CSMD1: variants seen among roughly 807,000 people sequenced by gnomAD.
CSMD1 encodes the protein CUB and sushi domain-containing protein 1.
In CSMD1, 213 loss-of-function variants were observed where a neutral mutation model predicts 417.5. The observed-to-expected ratio is 0.51, with a 90% CI of 0.46 to 0.57. The LOEUF (loss-of-function observed/expected upper bound fraction) is 0.57. CSMD1 is among the 20% of genes least tolerant of loss of function. The probability of loss-of-function intolerance (pLI) is 0.00; values close to 1 mark genes in which losing one functional copy is unlikely to be tolerated. For synonymous variants in CSMD1, 2,862 were observed against 1,736.8 expected (o/e 1.65, Z -16.11); for missense variants, 6,923 against 4,529.7 (o/e 1.53, Z -15.17).
In CSMD1 at chr8:4,751,766, G is replaced by C. The variant is rs552210517; in HGVS notation, c.86-114208C>G. Among the ~76,000 whole-genome samples the C allele has an allele frequency of 2.6e-5, 4 of 152,264 alleles. No homozygotes were observed. The South Asian group carries it at 6.2e-4, about 24-fold the overall frequency. On this transcript the variant is annotated intron_variant, in intron 1 of 69. Transcript: ENST00000635120. ...TTAGGAGCTTGGTGTCTGACATTGA[G>C]GACCTCTGCGTTTGCATTCTAGCTC...
chr8:4,962,319 T>G (rs932197503), intron 1 of CSMD1, among the ~76,000 whole-genome samples: 3 of 152,036 alleles, frequency 2.0e-5, no homozygotes, highest in African/African-American at 7.2e-5. Context: ...CAAAAGAGCT[T>G]CCCATCTTTG....
chr8:4,615,027 T>G (rs879307496), intron 2 of CSMD1, among the ~76,000 whole-genome samples: 15 of 152,284 alleles, frequency 9.9e-5, no homozygotes, highest in Non-Finnish European at 2.2e-4. Flanking sequence ...GCTAATGACT[T>G]CACAGTTATT....
intron 5 of CSMD1, among the ~76,000 whole-genome samples, chr8:3,994,041 C>T (rs1442842951): frequency 6.6e-6 from 1 of 152,166 alleles, no homozygotes; most frequent in Non-Finnish European, 1.5e-5. Flanking sequence ...GGGGCCAAAT[C>T]GGTAGCTGTG....
intron 3 of CSMD1, among the ~76,000 whole-genome samples, chr8:4,040,719 G>A (rs1456856866): frequency 6.6e-6 from 1 of 152,156 alleles, no homozygotes; most frequent in Admixed American, 6.5e-5. Context: ...AAACACTGCA[G>A]GAGAGACTGC....
intron 1 of CSMD1, among the ~76,000 whole-genome samples, chr8:4,709,797 G>T (rs1363769595): frequency 6.6e-6 from 1 of 152,138 alleles, no homozygotes; most frequent in Non-Finnish European, 1.5e-5. Context: ...GGGGAAAGAG[G>T]CAGGAGAGGA....
At chr8:4,080,097 T>C (rs1339939233) in intron 3 of CSMD1, among the ~76,000 whole-genome samples, 1 of 152,228 alleles carries the variant, frequency 6.6e-6, no homozygotes, top group African/African-American at 2.4e-5. Context: ...CATGTTTGTG[T>C]TCCTCACTCG....
chr8:4,195,912 A>G (rs1275256349), intron 3 of CSMD1, among the ~76,000 whole-genome samples: 1 of 152,030 alleles, frequency 6.6e-6, no homozygotes, highest in Non-Finnish European at 1.5e-5. Context: ...CGAGAAAACT[A>G]TGAGATAAAA....
rs138879486 is a variant in CSMD1 at position 3,460,341 on chromosome 8, T to C, written c.1561+8371A>G. On this transcript the variant is annotated intron_variant, in intron 12 of 69. Coordinates refer to ENST00000635120, the MANE Select transcript of CSMD1 (RefSeq NM_033225.6). Reference sequence around the variant, plus strand: ...ATCAGGAAGTTCCATGGGACAAACATCAAGTGTATGTGAGTGGTGGTGAGA... The same window carrying C: ...ATCAGGAAGTTCCATGGGACAAACACCAAGTGTATGTGAGTGGTGGTGAGA... Among the ~76,000 whole-genome samples, 745 of 152,100 alleles carry C rather than the reference T, an allele frequency of 4.9e-3. 3 individuals are homozygous for C. Among genetic ancestry groups the C allele is most frequent in the Non-Finnish European group, 7.5e-3 (512 of 68,000 alleles).
rs147182273 is a variant in CSMD1, at chr8:4,775,772, G to A, written c.86-138214C>T. On this transcript the variant is annotated intron_variant, in intron 1 of 69. Transcript: ENST00000635120. ...CATCCAAGAGTCTGCTCACTCGTGT[G>A]GATGTGGATGCACTGGGGATGGGTC... 2.8e-3 allele frequency among the ~76,000 whole-genome samples: 420 copies of A among 152,284 alleles called. 3 individuals are homozygous for A. The highest frequency in any genetic ancestry group is 7.3e-3 in the South Asian group (35 of 4,824).
chr8:3,350,505 GCA>G (rs1165203561), intron 21 of CSMD1, among the ~76,000 whole-genome samples: 19 of 151,732 alleles, frequency 1.3e-4, no homozygotes. Context: ...AAAGGGAATA[GCA>G]CTTTTAAAAA....
intron 10 of CSMD1, among the ~76,000 whole-genome samples, chr8:3,538,718 C>T (rs962198262): frequency 2.0e-5 from 3 of 152,224 alleles, no homozygotes; most frequent in African/African-American, 7.2e-5. Context: ...GCCCCTTTTC[C>T]GTCACGTGCA....
At chr8:3,200,670 T>C (rs1450488603) in intron 32 of CSMD1, among the ~76,000 whole-genome samples, 1 of 152,046 alleles carries the variant, frequency 6.6e-6, no homozygotes, top group African/African-American at 2.4e-5. Flanking sequence ...TGAATTGGCA[T>C]AAGGTTTTCA....
intron 1 of CSMD1, among the ~76,000 whole-genome samples, chr8:4,982,139 G>A (rs944349601): frequency 6.6e-6 from 1 of 152,204 alleles, no homozygotes; most frequent in Non-Finnish European, 1.5e-5. Context: ...TGGCTGCTTT[G>A]TGAGACCTTA....
rs562592026 is a variant in CSMD1 at position 4,470,773 on chromosome 8, T to G, written c.303-50708A>C. ...AATGACTTAATTGGACCCAGATTATTTAGACAATATTTAAGGATTGTCTAA... is the reference window on the plus strand; with the variant it reads ...AATGACTTAATTGGACCCAGATTATGTAGACAATATTTAAGGATTGTCTAA... On this transcript the variant is annotated intron_variant, in intron 2 of 69. Coordinates refer to ENST00000635120, the MANE Select transcript of CSMD1 (RefSeq NM_033225.6). Among the ~76,000 whole-genome samples the G allele has an allele frequency of 3.0e-4, 46 of 152,334 alleles. 1 individual carries two copies. The South Asian group carries it at 9.1e-3, about 30-fold the overall frequency.
At chr8:3,797,096 T>G (rs1800194303) in intron 5 of CSMD1, among the ~76,000 whole-genome samples, 1 of 151,698 alleles carries the variant, frequency 6.6e-6, no homozygotes, top group Non-Finnish European at 1.5e-5. Flanking sequence ...CTTTAATGGG[T>G]GAACATTTAA....
At chr8:4,486,497 A>T (rs2130176024) in intron 2 of CSMD1, among the ~76,000 whole-genome samples, 1 of 151,918 alleles carries the variant, frequency 6.6e-6, no homozygotes, top group South Asian at 2.1e-4. Flanking sequence ...GATTTTAAAA[A>T]TTAGTGATGT....
chr8:3,557,679 T>G lies in CSMD1; in HGVS notation c.1344+17266A>C, dbSNP rs116452164. On this transcript the variant is annotated intron_variant, in intron 10 of 69. Transcript: ENST00000635120. ...AATGCTTGGAGCATGGAGATAATCA[T>G]TTTACAATTCTCTCCACAGTAAAAC... Among the ~76,000 whole-genome samples, 352 of 152,248 alleles carry G rather than the reference T, an allele frequency of 2.3e-3. 3 individuals carry two copies. Among genetic ancestry groups the G allele is most frequent in the African/African-American group, 8.2e-3 (341 of 41,554 alleles).
chr8:4,966,546 G>C (rs1330089763), intron 1 of CSMD1, among the ~76,000 whole-genome samples: 1 of 152,182 alleles, frequency 6.6e-6, no homozygotes, highest in Non-Finnish European at 1.5e-5. Context: ...CTGTCCATCT[G>C]AGAGTGACTG....
chr8:4,350,692 G>T (rs1801040750), intron 3 of CSMD1, among the ~76,000 whole-genome samples: 1 of 152,224 alleles, frequency 6.6e-6, no homozygotes. Context: ...CATCACTGAT[G>T]TCAAGGTTGT....
Sources: allele counts gnomAD v4.1 joint callset (sites outside exome capture counted in the v4.1 genomes callset), GRCh38; gene constraint gnomAD v4.1.1; transcripts MANE v1.5; gene names NCBI Gene and HGNC (gene_info 2026-07-23, HGNC 2026-07-21).